The following CTNNA3 variants were observed in gnomAD, a reference collection of about 807,000 sequenced individuals.
CTNNA3 encodes the protein catenin alpha 3, also known as catenin alpha-3.
Under a neutral mutation model 95.7 loss-of-function variants are expected in CTNNA3, and 76 were observed. That is an observed-to-expected ratio of 0.79 (90% CI 0.66 to 0.96). The LOEUF (loss-of-function observed/expected upper bound fraction) is 0.96. CTNNA3 is among the 40% of genes least tolerant of loss of function. The probability of loss-of-function intolerance (pLI) is 0.00; values close to 1 mark genes in which losing one functional copy is unlikely to be tolerated. For synonymous variants in CTNNA3, 431 were observed against 374.4 expected, an observed-to-expected ratio of 1.15 and a Z score of -1.74; for missense variants, 1,191 against 1,089.8, an observed-to-expected ratio of 1.09 and a Z score of -1.31.
At chr10:66,489,708 A>G (rs1271750815) in intron 11 of CTNNA3, among the ~76,000 whole-genome samples, 1 of 152,200 alleles carries the variant, frequency 6.6e-6, no homozygotes, top group Non-Finnish European at 1.5e-5. Flanking sequence ...CATGCAAGTT[A>G]TGAAGAACTT....
At chr10:66,861,345 C>A (rs192690609) in intron 7 of CTNNA3, among the ~76,000 whole-genome samples, 171 of 152,280 alleles carry the variant, frequency 1.1e-3, no homozygotes, top group African/African-American at 3.6e-3. Flanking sequence ...CATGTGTTTT[C>A]TCTGGGTACA....
intron 10 of CTNNA3, among the ~76,000 whole-genome samples, chr10:66,545,759 C>T (rs1009513448): frequency 6.6e-6 from 1 of 151,886 alleles, no homozygotes; most frequent in Non-Finnish European, 1.5e-5. Context: ...TTCGGAGTTA[C>T]CAATAACTAA....
chr10:67,402,732 T>A (rs1157908346), intron 5 of CTNNA3, among the ~76,000 whole-genome samples: 6 of 152,100 alleles, frequency 3.9e-5, no homozygotes, highest in African/African-American at 1.2e-4. Flanking sequence ...GATCCCCTCA[T>A]AAACCCACTC....
At chr10:66,346,225 A>G (rs1320088978) in intron 12 of CTNNA3, among the ~76,000 whole-genome samples, 28 of 81,432 alleles carry the variant, frequency 3.4e-4, no homozygotes, top group Admixed American at 1.7e-3. Context: ...ATATATATAT[A>G]TATATATATA....
At chr10:66,051,858 G>T (rs926457689) in intron 15 of CTNNA3, among the ~76,000 whole-genome samples, 1 of 152,074 alleles carries the variant, frequency 6.6e-6, no homozygotes, top group Non-Finnish European at 1.5e-5. Flanking sequence ...TAGATTGATA[G>T]GTTTCAGGGT....
intron 17 of CTNNA3, among the ~76,000 whole-genome samples, chr10:65,961,760 A>T (rs944637042): frequency 7.4e-5 from 8 of 108,276 alleles, no homozygotes; most frequent in Non-Finnish European, 9.9e-5. Context: ...ATAGTTTGTA[A>T]AAAAAAAAAA....
intron 14 of CTNNA3, among the ~76,000 whole-genome samples, chr10:66,070,141 A>G (rs1275606311): frequency 6.6e-6 from 1 of 152,166 alleles, no homozygotes; most frequent in African/African-American, 2.4e-5. Flanking sequence ...GAATCAAATT[A>G]AGCTACACAA....
intron 6 of CTNNA3, among the ~76,000 whole-genome samples, chr10:67,202,314 C>G (rs1296801602): frequency 6.6e-6 from 1 of 152,102 alleles, no homozygotes; most frequent in African/African-American, 2.4e-5. Flanking sequence ...GCAGTGAACA[C>G]CTGACAGTAA....
chr10:66,889,699 C>T (rs933010968), intron 7 of CTNNA3, among the ~76,000 whole-genome samples: 2 of 150,878 alleles, frequency 1.3e-5, no homozygotes, highest in African/African-American at 2.4e-5. Context: ...AATAAGTGAA[C>T]GAGAGGGAGA....
chr10:66,037,568 A>T (rs1350816047), intron 15 of CTNNA3, among the ~76,000 whole-genome samples: 1 of 152,234 alleles, frequency 6.6e-6, no homozygotes. Context: ...AATAATGAGG[A>T]TGAATGAGAA....
chr10:67,091,568 A>G (rs972721198), intron 7 of CTNNA3, among the ~76,000 whole-genome samples: 1 of 152,064 alleles, frequency 6.6e-6, no homozygotes, highest in Non-Finnish European at 1.5e-5. Flanking sequence ...AAATATAGCT[A>G]ATTTCCTCCA....
At chr10:66,915,192 G>GAAAAAAAAAAAAAAAAACAAAAAAAAAAA (rs1158486629) in intron 7 of CTNNA3, among the ~76,000 whole-genome samples, 1 of 90,246 alleles carries the variant, frequency 1.1e-5, no homozygotes. Context: ...AAAAACTAAC[G>GAAAAAAAAAAAAAAAAACAAAAAAAAAAA]AAAAAAAAAA....
At position 65,994,266 on chromosome 10, in the gene CTNNA3, A is replaced by G. The variant is rs551393363; in HGVS notation, c.2160-5469T>C. ...TACTTTCCTGTGTTTTCATGATAAT[A>G]GATATCATCTTTGCACTTTCAGATA... On this transcript the variant is annotated intron_variant, in intron 15 of 17. Transcript: ENST00000433211. 2.1e-3 allele frequency among the ~76,000 whole-genome samples: 318 copies of G among 152,308 alleles called. 2 individuals carry two copies. The highest frequency in any genetic ancestry group is 7.9e-3 in the South Asian group (38 of 4,830).
chr10:67,146,730 T>G (rs537573012), intron 7 of CTNNA3, among the ~76,000 whole-genome samples: 12 of 152,146 alleles, frequency 7.9e-5, no homozygotes, highest in Non-Finnish European at 1.6e-4. Flanking sequence ...AGAAAAAACA[T>G]CCAGAAATTT....
intron 5 of CTNNA3, among the ~76,000 whole-genome samples, chr10:67,398,174 A>G (rs974854607): frequency 6.6e-6 from 1 of 152,240 alleles, no homozygotes; most frequent in African/African-American, 2.4e-5. Context: ...AAAGCAGCAG[A>G]CACTCAATGC....
At chr10:66,814,851 CTTT>C (rs71035183) in intron 7 of CTNNA3, among the ~76,000 whole-genome samples, 8 of 114,934 alleles carry the variant, frequency 7.0e-5, no homozygotes, top group Admixed American at 9.5e-5. Flanking sequence ...AGTTAGCATT[CTTT>C]TTTTTTTTTT....
chr10:67,441,896 AAC>A (rs1846533165), intron 5 of CTNNA3, among the ~76,000 whole-genome samples: 1 of 152,176 alleles, frequency 6.6e-6, no homozygotes, highest in African/African-American at 2.4e-5. Flanking sequence ...CATACAGAAA[AAC>A]ACAGACTATT....
intron 7 of CTNNA3, among the ~76,000 whole-genome samples, chr10:67,029,748 T>C (rs143020821): frequency 1.6e-4 from 25 of 152,176 alleles, no homozygotes; most frequent in Non-Finnish European, 2.9e-4. Flanking sequence ...TGATTCTATA[T>C]CAAAAACCAA....
At chr10:66,397,556 T>C (rs1012186197) in intron 11 of CTNNA3, among the ~76,000 whole-genome samples, 2 of 151,844 alleles carry the variant, frequency 1.3e-5, no homozygotes, top group African/African-American at 4.8e-5. Flanking sequence ...ATATATTCAT[T>C]TTAATGAGTA....
Sources: gnomAD v4.1 joint callset for allele counts (sites outside exome capture counted in the v4.1 genomes callset) on GRCh38, gnomAD v4.1.1 for gene constraint, MANE v1.5 for transcripts, NCBI Gene and HGNC (gene_info 2026-07-23, HGNC 2026-07-21) for gene names.